Variants in EGFL7 observed in about 807,000 individuals in gnomAD.
EGFL7 encodes EGF like domain multiple 7, also known as epidermal growth factor-like protein 7.
Under a neutral mutation model 37.1 loss-of-function variants are expected in EGFL7, and 48 were observed. The ratio of observed to expected loss-of-function variants is 1.29; its 90% CI spans 1.03 to 1.65. EGFL7 has a LOEUF of 1.65. Among genes scored for constraint, EGFL7 ranks in the 40% most tolerant of loss-of-function variants. The pLI is 0.00. For synonymous variants in EGFL7, 180 were observed against 156.8 expected (o/e 1.15, Z -1.10); for missense variants, 384 against 378.9 (o/e 1.01, Z -0.11).
At chr9:136,670,512 C>G in intron 8 of EGFL7, 182 bp downstream of exon 8, 3 of 860,786 alleles carry the variant, frequency 3.5e-6, no homozygotes, top group Non-Finnish European at 5.9e-6. Flanking sequence ...GCAGGTTGCC[C>G]GGAGCCTCAT....
Position 136,666,008 on chromosome 9 carries a change from T to TCGGGC in EGFL7, c.-43+1233_-43+1237dup, listed in dbSNP as rs1191973562. ...GCGGGCCGGGGCGCCCGCGGCTGGG[T>TCGGGC]CGGGCCGGGCCGGGAGAATGGGCCC... is the stretch of plus-strand genomic sequence containing the variant. On this transcript the variant is annotated intron_variant, in intron 3 of 10. Transcript: ENST00000308874. This position sits in a 1 kb window ranked among gnomAD's most constrained non-coding sequence, Gnocchi z 6.8. Among the ~76,000 whole-genome samples the TCGGGC allele has an allele frequency of 7.0e-6, 1 of 143,684 alleles. No individual in the cohort carries two copies. Among genetic ancestry groups the TCGGGC allele is most frequent in the Non-Finnish European group, 1.5e-5 (1 of 65,188 alleles). 94.3% of individuals were successfully genotyped at this position (143,684 alleles called of 152,430 possible).
upstream of EGFL7, among the ~76,000 whole-genome samples, chr9:136,662,079 AG>A (rs1346361094): frequency 1.3e-5 from 2 of 149,328 alleles, no homozygotes; most frequent in African/African-American, 2.5e-5. Flanking sequence ...AGGGAAGATG[AG>A]GGTCAGACCT....
chr9:136,672,204 A>G, intron 10 of EGFL7, 60 bp from the exon 11 acceptor site: 4 of 1,612,342 alleles, frequency 2.5e-6, no homozygotes, highest in Non-Finnish European at 3.4e-6. Flanking sequence ...AGTCAGATCT[A>G]GCTGGGCGGG....
At position 136,665,790 on chromosome 9, in the gene EGFL7, G is replaced by C. The variant is rs2119098592; in HGVS notation, c.-43+1005G>C. On this transcript the variant is annotated intron_variant, in intron 3 of 10. Coordinates refer to ENST00000308874, the MANE Select transcript of EGFL7 (RefSeq NM_016215.5). ...GGCGCGGGCTCGGGCGGCAGTGGCG[G>C]CGGCGCGTGCGCGCCCCGGATCCGG... is the stretch of plus-strand genomic sequence containing the variant. The C allele has an allele frequency of 1.4e-5, 2 of 146,610 alleles. 1 individual carries two copies. The highest frequency in any genetic ancestry group is 6.9e-3 in the Middle Eastern group (2 of 290). The allele number at this position is 146,610 out of a possible 1,614,324, so 9.1% of individuals were successfully genotyped here.
upstream of EGFL7, among the ~76,000 whole-genome samples, chr9:136,660,677 GC>G: frequency 6.6e-6 from 1 of 152,308 alleles, no homozygotes; most frequent in African/African-American, 2.4e-5. Flanking sequence ...AGCAACTCGT[GC>G]ACTCGGCTAC....
intron 3 of EGFL7, chr9:136,665,736 C>T (rs1010497741): frequency 8.3e-5 from 2 of 23,982 alleles, no homozygotes; most frequent in Non-Finnish European, 2.1e-4. Flanking sequence ...GGGCCGGGGG[C>T]GGGGCGGGGC....
At chr9:136,668,826 A>G (rs373080458) in intron 5 of EGFL7, among the ~76,000 whole-genome samples, 153 bp downstream of exon 5, 3 of 152,118 alleles carry the variant, frequency 2.0e-5, no homozygotes, top group Non-Finnish European at 4.4e-5. Context: ...TGGGCGACCC[A>G]GGGCGGCCGG....
At chr9:136,664,666 C>G (rs924060430) in intron 2 of EGFL7, 26 bp from the exon 3 acceptor site, 1 of 152,632 alleles carries the variant, frequency 6.6e-6, no homozygotes, top group African/African-American at 2.4e-5. Flanking sequence ...TGCATAGGCA[C>G]TAACCCACAA....
At chr9:136,670,528 C>A in intron 8 of EGFL7, 198 bp downstream of exon 8, 1 of 823,648 alleles carries the variant, frequency 1.2e-6, no homozygotes, top group Non-Finnish European at 2.1e-6. Flanking sequence ...CTCATATCAG[C>A]CAAGAAGGCA....
At chr9:136,659,739 C>A (rs13286733), upstream of EGFL7, 30,713 of 152,450 alleles carry the variant, frequency 0.2, 3,257 homozygotes, top group Middle Eastern at 0.27. Context: ...GAAACTGAGG[C>A]CTGTGTGGGG....
At position 136,671,940 on chromosome 9, in the gene EGFL7, G is replaced by A; in HGVS notation, c.651G>A (p.Val217=). 1 of 1,519,608 alleles carries A rather than the reference G, an allele frequency of 6.6e-7. No individual in the cohort carries two copies. Among genetic ancestry groups the A allele is most frequent in the Admixed American group, 2.1e-5 (1 of 48,648 alleles). The allele number at this position is 1,519,608 out of a possible 1,614,324, so 94.1% of individuals were successfully genotyped here. A position where few individuals can be genotyped will look rare whatever the true frequency, so the allele number is the denominator to read the frequency against. Residue 217 remains valine (V), a synonymous_variant, in exon 10 of 11, where the codon GTG becomes GTA. Coordinates refer to ENST00000308874, the MANE Select transcript of EGFL7 (RefSeq NM_016215.5). ...VDLLEEKLQL[V]LAPLHSLASQ... ...TGCACCCACAGAAGCTGCAGCTGGT[G>A]CTGGCCCCACTGCACAGCCTGGCCT...
At chr9:136,669,768 C>G in intron 6 of EGFL7, 47 bp downstream of exon 6, 10 of 1,482,420 alleles carry the variant, frequency 6.7e-6, no homozygotes, top group Non-Finnish European at 9.1e-6. Flanking sequence ...GGCGACTGTT[C>G]CCCAATCTTC....
chr9:136,669,830 C>G (rs893276700), intron 6 of EGFL7, 84 bp from the exon 7 acceptor site: 1 of 1,444,298 alleles, frequency 6.9e-7, no homozygotes, highest in African/African-American at 1.4e-5. Context: ...ACCACCTTGC[C>G]GCAGAGCACC....
At position 136,670,022 on chromosome 9, in the gene EGFL7, C is replaced by G. The variant is rs2297537; in HGVS notation, c.409+13C>G. On this transcript the variant is annotated intron_variant, in intron 7 of 10. Transcript: ENST00000308874. ...ACTTGCCAGTCAGGTGAGGCTGGCT[C>G]TACCCTGGGGGGCCCTGGAAGGGTC... The G allele has an allele frequency of 0.45, 712,329 of 1,586,276 alleles. 168,527 individuals are homozygous for G. The highest frequency in any genetic ancestry group is 0.49 in the Non-Finnish European group (568,318 of 1,163,584).
chr9:136,670,245 G>A lies in EGFL7; in HGVS notation c.486G>A (p.Gln162=). ...CVNTAGSYWC[Q]CWEGHSLSAD... ...ACACCGCCGGCAGTTACTGGTGCCA[G>A]TGTTGGGAGGGGCACAGCCTGTCTG... Residue 162 remains glutamine (Q), a synonymous_variant, in exon 8 of 11, where the codon CAG becomes CAA. Coordinates refer to ENST00000308874, the MANE Select transcript of EGFL7 (RefSeq NM_016215.5). 1.2e-6 allele frequency: 2 copies of A among 1,612,554 alleles called. No homozygotes were observed. Among genetic ancestry groups the A allele is most frequent in the East Asian group, 2.2e-5 (1 of 44,880 alleles).
At chr9:136,668,536 A>AC (rs1564277793) in intron 4 of EGFL7, 21 bp from the exon 5 acceptor site, 1 of 1,602,540 alleles carries the variant, frequency 6.2e-7, no homozygotes, top group Non-Finnish European at 8.5e-7. Context: ...TCCTGGGCTG[A>AC]CCCCCTCTCC....
chr9:136,671,262 G>A (rs1485366355), intron 9 of EGFL7, among the ~76,000 whole-genome samples: 15 of 101,354 alleles, frequency 1.5e-4, no homozygotes, highest in African/African-American at 5.1e-4. Context: ...TGGACCTGCT[G>A]GAGGAGATGA....
chr9:136,670,436 G>A, intron 8 of EGFL7, 106 bp downstream of exon 8: 2 of 1,338,304 alleles, frequency 1.5e-6, no homozygotes, highest in Non-Finnish European at 2.1e-6. Flanking sequence ...GCGGAAGGCG[G>A]TGGGGACTCC....
upstream of EGFL7, chr9:136,659,776 T>A (rs1268222839): frequency 2.0e-5 from 3 of 152,460 alleles, no homozygotes; most frequent in African/African-American, 7.2e-5. Context: ...GAGCTCCAGC[T>A]TCCTGCCCCT....
Sources: allele counts gnomAD v4.1 joint callset (sites outside exome capture counted in the v4.1 genomes callset), GRCh38; gene constraint gnomAD v4.1.1; non-coding constraint Gnocchi (gnomAD v3.1); transcripts MANE v1.5; gene names NCBI Gene and HGNC (gene_info 2026-07-23, HGNC 2026-07-21).